The following LRRC4B variants were observed in gnomAD, a reference collection of about 807,000 sequenced individuals.
LRRC4B encodes leucine rich repeat containing 4B.
LRRC4B carries 1 observed loss-of-function variant against 7.3 expected under a neutral mutation model. That is an observed-to-expected ratio of 0.14 (90% CI 0.05 to 0.65). The LOEUF (loss-of-function observed/expected upper bound fraction) is 0.65, where lower values mean the gene tolerates loss of function less well. Ranked by LOEUF, LRRC4B falls within the 30% of genes least tolerant of loss-of-function variation. The pLI is 0.84. For missense variants in LRRC4B, 730 were observed against 1,041.6 expected (o/e 0.70, Z 4.12); for synonymous variants, 500 against 499.2 (o/e 1.00, Z -0.02).
chr19:50,532,238 A>C (rs912196316), intron 2 of LRRC4B, among the ~76,000 whole-genome samples: 9 of 150,712 alleles, frequency 6.0e-5, no homozygotes, highest in Non-Finnish European at 1.3e-4. Context: ...TGTCTCAACA[A>C]AAACAAAAAC....
At chr19:50,520,019 G>T (rs1980484417) in intron 2 of LRRC4B, among the ~76,000 whole-genome samples, 1 of 150,986 alleles carries the variant, frequency 6.6e-6, no homozygotes, top group African/African-American at 2.4e-5. Flanking sequence ...TCAGAACATA[G>T]ACCCCATCTC....
At chr19:50,527,348 C>CTTT (rs59423387) in intron 2 of LRRC4B, among the ~76,000 whole-genome samples, 1 of 124,520 alleles carries the variant, frequency 8.0e-6, no homozygotes, top group African/African-American at 3.0e-5. Context: ...TTTCTTTTTT[C>CTTT]TTTTTTTTTT....
intron 1 of LRRC4B, among the ~76,000 whole-genome samples, chr19:50,559,926 G>T (rs1982412150): frequency 6.6e-6 from 1 of 152,174 alleles, no homozygotes; most frequent in African/African-American, 2.4e-5. Context: ...TTGAGGTCAG[G>T]AGTTTTGACA....
At chr19:50,560,441 C>T (rs1045530645) in intron 1 of LRRC4B, among the ~76,000 whole-genome samples, 2 of 152,192 alleles carry the variant, frequency 1.3e-5, no homozygotes, top group African/African-American at 4.8e-5. Flanking sequence ...CTCAGGACCT[C>T]GGTCTGCTCA....
In LRRC4B at chr19:50,563,184, G is replaced by A. The variant is rs916270207; in HGVS notation, c.-36+4760C>T. Among the ~76,000 whole-genome samples, 165 of 152,204 alleles carry A rather than the reference G, an allele frequency of 1.1e-3. 1 individual carries two copies. The highest frequency in any genetic ancestry group is 0.011 in the Admixed American group (164 of 15,294). ...CAGTGAGCCCCCATCAGCCCCTCTC[G>A]TGGGTCTCCAAGGCAGCCCCTCCAC... is the stretch of plus-strand genomic sequence containing the variant. On this transcript the variant is annotated intron_variant, in intron 1 of 2. Transcript: ENST00000652263. This position sits in a 1 kb window ranked among gnomAD's most constrained non-coding sequence, Gnocchi z 4.9.
At chr19:50,523,957 TAA>T (rs574618168) in intron 2 of LRRC4B, among the ~76,000 whole-genome samples, 10 of 134,626 alleles carry the variant, frequency 7.4e-5, no homozygotes, top group African/African-American at 2.2e-4. Context: ...AGACTCTGTC[TAA>T]AAAAAAAAAA....
At chr19:50,520,236 AAAAAAAAAAAAG>A (rs1980509764) in intron 2 of LRRC4B, among the ~76,000 whole-genome samples, 1 of 66,686 alleles carries the variant, frequency 1.5e-5, no homozygotes, top group Non-Finnish European at 2.7e-5. Context: ...AAAAAAAAAA[AAAAAAAAAAAAG>A]AAGAAAAGAA....
In LRRC4B at chr19:50,517,649, C is replaced by A. The variant is rs758524603; in HGVS notation, c.2064G>T (p.Pro688=). ...GTTCGTGGATGGAGTTGAGGCCAGG[C>A]GGGCCTTTGCCCCCGCAGCCCCCGC... ...PSGGGCGGKG[P]PGLNSIHEPL... Residue 688 remains proline (P), a synonymous_variant, in exon 3 of 3, where the codon CCG becomes CCT. Transcript: ENST00000652263. The surrounding 1 kb of genome is among the most constrained non-coding windows in gnomAD (Gnocchi z 6.6). 6.6e-7 allele frequency: 1 copy of A among 1,505,922 alleles called. No homozygotes were observed. Among genetic ancestry groups the A allele is most frequent in the Non-Finnish European group, 8.8e-7 (1 of 1,131,444 alleles). 93.3% of individuals were successfully genotyped at this position (1,505,922 alleles called of 1,614,324 possible).
At chr19:50,567,321 C>A (rs1027694548) in intron 1 of LRRC4B, among the ~76,000 whole-genome samples, 15 of 151,648 alleles carry the variant, frequency 9.9e-5, no homozygotes, top group Non-Finnish European at 1.5e-4. Flanking sequence ...GCGGGGTGAC[C>A]CCAGAGGGAG....
Position 50,568,005 on chromosome 19 carries a change from C to G in LRRC4B, c.-97G>C, listed in dbSNP as rs1982696751. On this transcript the variant is annotated 5_prime_UTR_variant, in exon 1 of 3. Coordinates refer to ENST00000652263, the MANE Select transcript of LRRC4B (RefSeq NM_001080457.2). ...CCGGCCCGTGGGGGGAGGACCCCCC[C>G]AATGAGGCTCAGGAATTTGGGGTGC... 1 of 150,646 alleles carries G rather than the reference C, an allele frequency of 6.6e-6. No homozygotes were observed. Among genetic ancestry groups the G allele is most frequent in the Admixed American group, 6.6e-5 (1 of 15,184 alleles). The allele number at this position is 150,646 out of a possible 1,614,324, so 9.3% of individuals were successfully genotyped here.
intron 1 of LRRC4B, among the ~76,000 whole-genome samples, chr19:50,562,097 G>T (rs928044473): frequency 3.4e-5 from 5 of 145,272 alleles, no homozygotes; most frequent in Non-Finnish European, 7.5e-5. Context: ...TAGCCTGGGT[G>T]ACAGAGTGAG....
At chr19:50,534,729 T>C (rs1457684779) in intron 2 of LRRC4B, among the ~76,000 whole-genome samples, 1 of 152,176 alleles carries the variant, frequency 6.6e-6, no homozygotes. Flanking sequence ...TAGGTAAATA[T>C]TACTAAAGCT....
chr19:50,519,458 G>A lies in LRRC4B; in HGVS notation c.298-43C>T. On this transcript the variant is annotated intron_variant, in intron 2 of 2. Transcript: ENST00000652263. The surrounding 1 kb of genome is among the most constrained non-coding windows in gnomAD (Gnocchi z 8.1). ...CGGATCAGTCACGGAGATACTGACG[G>A]GGACCGTGGGGGGATCACCAAGGTC... The A allele has an allele frequency of 2.0e-6, 3 of 1,492,328 alleles. No homozygotes were observed. The highest frequency in any genetic ancestry group is 2.7e-6 in the Non-Finnish European group (3 of 1,124,040). The allele number at this position is 1,492,328 out of a possible 1,614,324, so 92.4% of individuals were successfully genotyped here.
intron 1 of LRRC4B, among the ~76,000 whole-genome samples, chr19:50,551,851 A>AGCTCCC (rs1180349892): frequency 6.6e-6 from 1 of 150,630 alleles, no homozygotes; most frequent in African/African-American, 2.4e-5. Context: ...GCTGTGCCTC[A>AGCTCCC]GCTCCCTCCC....
At chr19:50,542,878 G>A (rs551151184) in intron 2 of LRRC4B, among the ~76,000 whole-genome samples, 200 of 152,240 alleles carry the variant, frequency 1.3e-3, no homozygotes, top group African/African-American at 4.6e-3. Flanking sequence ...AAGATGAATG[G>A]CAACGTTCTA....
At chr19:50,534,993 C>A (rs1180156744) in intron 2 of LRRC4B, among the ~76,000 whole-genome samples, 2 of 150,970 alleles carry the variant, frequency 1.3e-5, no homozygotes, top group Non-Finnish European at 3.0e-5. Flanking sequence ...CTCAGCCTCC[C>A]GAGTAGCTGG....
At position 50,518,484 on chromosome 19, in the gene LRRC4B, C is replaced by T; in HGVS notation, c.1229G>A (p.Arg410His). Reference sequence around the variant, plus strand: ...GTCATGCAGGACGGAGATGCGCACGCGGTAGGAGCCGTGGGTCATGAGGGT... The same window carrying T: ...GTCATGCAGGACGGAGATGCGCACGTGGTAGGAGCCGTGGGTCATGAGGGT... The part of the protein sequence containing the change: ...NGTLMTHGSY[R>H]VRISVLHDGT... Residue 410 changes from arginine (R) to histidine (H), a missense_variant, in exon 3 of 3, where the codon CGC (arginine) becomes CAC (histidine). This residue lies in a region of LRRC4B where 226 missense variants were observed against 448.0 expected (regional missense o/e 0.50). Coordinates refer to ENST00000652263, the MANE Select transcript of LRRC4B (RefSeq NM_001080457.2). 1 of 1,557,436 alleles carries T rather than the reference C, an allele frequency of 6.4e-7. No individual in the cohort carries two copies. Among genetic ancestry groups the T allele is most frequent in the Non-Finnish European group, 8.7e-7 (1 of 1,150,942 alleles).
chr19:50,540,870 A>G (rs1221188934), intron 2 of LRRC4B, among the ~76,000 whole-genome samples: 2 of 151,814 alleles, frequency 1.3e-5, no homozygotes, highest in Non-Finnish European at 2.9e-5. Context: ...ATACATTACG[A>G]TGTAATAATA....
At chr19:50,536,859 C>G (rs1981317813) in intron 2 of LRRC4B, among the ~76,000 whole-genome samples, 1 of 152,108 alleles carries the variant, frequency 6.6e-6, no homozygotes, top group African/African-American at 2.4e-5. Flanking sequence ...GAGGGTGCCC[C>G]TGAGCTTGGT....
Sources: allele counts gnomAD v4.1 joint callset (sites outside exome capture counted in the v4.1 genomes callset), GRCh38; gene constraint gnomAD v4.1.1; regional missense constraint gnomAD v4.1.1; non-coding constraint Gnocchi (gnomAD v3.1); transcripts MANE v1.5; gene names NCBI Gene and HGNC (gene_info 2026-07-23, HGNC 2026-07-21).